The following CSNK1G1 variants were observed in gnomAD, a reference collection of about 807,000 sequenced individuals.
CSNK1G1 encodes the protein casein kinase I isoform gamma-1.
A neutral mutation model predicts 59.6 loss-of-function variants in CSNK1G1; 22 were observed. That is an observed-to-expected ratio of 0.37 (90% CI 0.26 to 0.53). The LOEUF (loss-of-function observed/expected upper bound fraction) is 0.53. CSNK1G1 is among the 20% of genes least tolerant of loss of function. The probability of loss-of-function intolerance (pLI) is 0.89; values close to 1 mark genes in which losing one functional copy is unlikely to be tolerated. For synonymous variants in CSNK1G1, 179 were observed against 177.1 expected, an observed-to-expected ratio of 1.01 and a Z score of -0.08; for missense variants, 384 against 519.5, an observed-to-expected ratio of 0.74 and a Z score of 2.54.
intron 7 of CSNK1G1, among the ~76,000 whole-genome samples, chr15:64,206,915 A>G (rs2082190116): frequency 6.6e-6 from 1 of 152,194 alleles, no homozygotes; most frequent in East Asian, 1.9e-4. Flanking sequence ...ATATTTTCCA[A>G]GTTTTCCTGA....
intron 4 of CSNK1G1, among the ~76,000 whole-genome samples, chr15:64,226,400 T>C (rs2082461960): frequency 6.6e-6 from 1 of 151,814 alleles, no homozygotes. Flanking sequence ...TCTACTAAAA[T>C]ACAAAAAATT....
chr15:64,287,462 G>C (rs1031933765), intron 2 of CSNK1G1, among the ~76,000 whole-genome samples: 9 of 152,082 alleles, frequency 5.9e-5, no homozygotes, highest in African/African-American at 2.2e-4. Flanking sequence ...ACTGGTTTGT[G>C]AACCATGGTT....
At chr15:64,311,669 A>G (rs1896001375) in intron 1 of CSNK1G1, among the ~76,000 whole-genome samples, 1 of 84,726 alleles carries the variant, frequency 1.2e-5, no homozygotes, top group South Asian at 4.5e-4. Flanking sequence ...GTCTTTTTTA[A>G]AAAAAGTGAA....
At chr15:64,258,244 G>A (rs1458476492) in intron 3 of CSNK1G1, among the ~76,000 whole-genome samples, 1 of 152,022 alleles carries the variant, frequency 6.6e-6, no homozygotes, top group Non-Finnish European at 1.5e-5. Context: ...CAGGTGTGGT[G>A]GCATGTAGTC....
intron 1 of CSNK1G1, among the ~76,000 whole-genome samples, chr15:64,334,037 A>G (rs1487066890): frequency 6.6e-6 from 1 of 152,174 alleles, no homozygotes; most frequent in Non-Finnish European, 1.5e-5. Context: ...TCAACAAAGA[A>G]ACACTGGATT....
intron 3 of CSNK1G1, among the ~76,000 whole-genome samples, chr15:64,258,312 G>A (rs183831516): frequency 5.3e-5 from 8 of 151,910 alleles, no homozygotes; most frequent in African/African-American, 1.9e-4. Flanking sequence ...GAGCCCAGGA[G>A]GCGGAGGTTG....
At position 64,204,854 on chromosome 15, in the gene CSNK1G1, T is replaced by TA. The variant is rs772857329; in HGVS notation, c.850+10dup. On this transcript the variant is annotated intron_variant, in intron 8 of 11. Transcript: ENST00000303052. ...GCTCAGTCACACTGGAATGTCTTTT[T>TA]AGCATCCCACCTGGAAAGTTCTCAC... 1.0e-5 allele frequency: 16 copies of TA among 1,581,382 alleles called. No homozygotes were observed. In the South Asian group the frequency reaches 1.7e-4, roughly 16 times the overall value.
chr15:64,239,636 C>A (rs1179400783), intron 4 of CSNK1G1, among the ~76,000 whole-genome samples: 1 of 152,072 alleles, frequency 6.6e-6, no homozygotes, highest in Admixed American at 6.6e-5. Context: ...GCCTTGGCCT[C>A]CAAAAGTGAT....
chr15:64,247,141 A>G (rs1359941877), intron 4 of CSNK1G1, among the ~76,000 whole-genome samples: 3 of 152,190 alleles, frequency 2.0e-5, no homozygotes, highest in African/African-American at 7.2e-5. Context: ...ACTGAGAGCT[A>G]TGCTGGAAAA....
At chr15:64,336,311 A>C (rs1196953827) in intron 1 of CSNK1G1, among the ~76,000 whole-genome samples, 2 of 152,132 alleles carry the variant, frequency 1.3e-5, no homozygotes, top group Non-Finnish European at 2.9e-5. Context: ...GCAAAACCAC[A>C]ATGTCCTCAA....
chr15:64,352,447 CTTT>C (rs1165768581), intron 1 of CSNK1G1, among the ~76,000 whole-genome samples: 1 of 89,412 alleles, frequency 1.1e-5, no homozygotes, highest in African/African-American at 4.4e-5. Flanking sequence ...TTGAATTCTT[CTTT>C]TTTTTTTTTT....
intron 2 of CSNK1G1, among the ~76,000 whole-genome samples, chr15:64,289,731 A>AT (rs1304259575): frequency 2.6e-5 from 4 of 152,228 alleles, no homozygotes; most frequent in Non-Finnish European, 5.9e-5. Context: ...TACAATACTA[A>AT]TTGTAAGAAT....
chr15:64,309,378 T>C (rs1275964710), intron 1 of CSNK1G1, among the ~76,000 whole-genome samples: 2 of 151,324 alleles, frequency 1.3e-5, no homozygotes, highest in Admixed American at 1.3e-4. Context: ...AATCTTGGTT[T>C]TCAACCAATG....
chr15:64,313,095 A>G (rs541242418), intron 1 of CSNK1G1, among the ~76,000 whole-genome samples: 2 of 152,218 alleles, frequency 1.3e-5, no homozygotes, highest in Non-Finnish European at 2.9e-5. Flanking sequence ...TTAAAAAGTC[A>G]GGAAACAGAT....
rs541618642 is a variant in CSNK1G1, at chr15:64,338,612, A to T, written c.-225+17376T>A. Among the ~76,000 whole-genome samples the T allele has an allele frequency of 4.3e-5, 6 of 140,338 alleles. No individual in the cohort carries two copies. In the East Asian group the frequency reaches 1.2e-3, roughly 27 times the overall value. The allele number at this position is 140,338 out of a possible 152,430, so 92.1% of individuals were successfully genotyped here. ...CTACGCAGGAAGCTGAGGCAGGAGA[A>T]TCGCTTGAACCTAGGAGGTGCAGGT... On this transcript the variant is annotated intron_variant, in intron 1 of 11. Coordinates refer to ENST00000303052, the MANE Select transcript of CSNK1G1 (RefSeq NM_022048.5).
intron 1 of CSNK1G1, among the ~76,000 whole-genome samples, chr15:64,344,780 C>G (rs139078697): frequency 4.9e-4 from 75 of 152,300 alleles, no homozygotes; most frequent in African/African-American, 1.8e-3. Flanking sequence ...AGTCACTTAG[C>G]CTCTCTGCAC....
intron 1 of CSNK1G1, among the ~76,000 whole-genome samples, chr15:64,318,993 G>C (rs1371972622): frequency 6.6e-6 from 1 of 151,562 alleles, no homozygotes; most frequent in Non-Finnish European, 1.5e-5. Flanking sequence ...TGGAACTACA[G>C]GCACACACCA....
At chr15:64,229,983 G>A (rs1280449826) in intron 4 of CSNK1G1, among the ~76,000 whole-genome samples, 5 of 132,824 alleles carry the variant, frequency 3.8e-5, no homozygotes, top group Admixed American at 2.5e-4. Context: ...GGGCAGTGGC[G>A]CGACCTCGGC....
intron 3 of CSNK1G1, among the ~76,000 whole-genome samples, chr15:64,258,800 A>G (rs1892533506): frequency 1.3e-5 from 2 of 152,162 alleles, no homozygotes; most frequent in Non-Finnish European, 2.9e-5. Context: ...TAAGGCCATG[A>G]TTAGATGATC....
Sources: gnomAD v4.1 joint callset for allele counts (sites outside exome capture counted in the v4.1 genomes callset) on GRCh38, gnomAD v4.1.1 for gene constraint, MANE v1.5 for transcripts, NCBI Gene and HGNC (gene_info 2026-07-23, HGNC 2026-07-21) for gene names.